Variants in TNS1 observed in about 807,000 individuals in gnomAD.
TNS1 encodes tensin-1.
A neutral mutation model predicts 168.6 loss-of-function variants in TNS1; 62 were observed. That is an observed-to-expected ratio of 0.37 (90% CI 0.30 to 0.45). TNS1 has a LOEUF of 0.45. TNS1 is among the 20% of genes least tolerant of loss of function. The probability of loss-of-function intolerance (pLI) is 1.00; values close to 1 mark genes in which losing one functional copy is unlikely to be tolerated. For missense variants in TNS1, 2,240 were observed against 2,339.4 expected (o/e 0.96, Z 0.88); for synonymous variants, 934 against 933.2 (o/e 1.00, Z -0.02).
At chr2:217,976,114 C>A (rs1957887668) in intron 3 of TNS1, among the ~76,000 whole-genome samples, 1 of 152,186 alleles carries the variant, frequency 6.6e-6, no homozygotes. Flanking sequence ...TTCTGGGCTA[C>A]CTTAGCAGAA....
At chr2:217,890,303 T>A (rs996145071) in intron 12 of TNS1, 20 of 152,376 alleles carry the variant, frequency 1.3e-4, no homozygotes, top group African/African-American at 4.6e-4. Context: ...TCTGACACTG[T>A]CTTGTTTGTA....
At chr2:217,921,658 A>G (rs1955709797) in intron 3 of TNS1, among the ~76,000 whole-genome samples, 1 of 152,212 alleles carries the variant, frequency 6.6e-6, no homozygotes, top group South Asian at 2.1e-4. Flanking sequence ...TCCAGCAAAG[A>G]GGCCCAAATG....
chr2:217,946,969 T>TCTCTCA (rs1553618866), intron 3 of TNS1, among the ~76,000 whole-genome samples: 12 of 118,868 alleles, frequency 1.0e-4, no homozygotes, highest in African/African-American at 2.8e-4. Flanking sequence ...TCTCTCTCTC[T>TCTCTCA]CACACACACA....
chr2:217,927,553 A>T (rs1956095515), intron 3 of TNS1, among the ~76,000 whole-genome samples: 1 of 152,206 alleles, frequency 6.6e-6, no homozygotes, highest in Non-Finnish European at 1.5e-5. Flanking sequence ...TAAGGCAAGC[A>T]AGGATGTATA....
At chr2:218,012,800 G>C (rs1382631705), upstream of TNS1, among the ~76,000 whole-genome samples, 1 of 152,184 alleles carries the variant, frequency 6.6e-6, no homozygotes, top group Non-Finnish European at 1.5e-5. Flanking sequence ...AGCCACTCCA[G>C]AACCTCCTGA....
chr2:217,905,749 T>A (rs1953599792), intron 6 of TNS1, among the ~76,000 whole-genome samples: 1 of 152,176 alleles, frequency 6.6e-6, no homozygotes, highest in African/African-American at 2.4e-5. Context: ...TCAAAGCACG[T>A]CCTGGAAGAG....
At chr2:217,883,849 A>C (rs541117997) in intron 16 of TNS1, among the ~76,000 whole-genome samples, 118 of 152,326 alleles carry the variant, frequency 7.7e-4, no homozygotes, top group African/African-American at 2.5e-3. Context: ...TCCAAGCCCC[A>C]GGTCCAGTCT....
chr2:217,810,021 T>C (rs932871946), intron 29 of TNS1, 30 bp from the exon 30 acceptor site: 18 of 1,606,580 alleles, frequency 1.1e-5, no homozygotes, highest in Non-Finnish European at 1.5e-5. Context: ...GGGGGAGTCA[T>C]GGGAGCTGGC....
intron 30 of TNS1, 179 bp downstream of exon 30, chr2:217,809,644 G>GATGGGTGCACGGATGGGTGC: frequency 1.9e-5 from 11 of 585,546 alleles, no homozygotes; most frequent in East Asian, 9.2e-5. Context: ...TGGGTGCATG[G>GATGGGTGCACGGATGGGTGC]ATGGATGGAT....
rs190087506 is a variant in TNS1, at chr2:217,859,719, A to G, written c.1430-10632T>C. The G allele has an allele frequency of 5.0e-5, 77 of 1,529,390 alleles. 1 individual carries two copies. The East Asian group carries it at 1.8e-3, about 35-fold the overall frequency. 94.7% of individuals were successfully genotyped at this position (1,529,390 alleles called of 1,614,324 possible). Reference sequence around the variant, plus strand: ...GTTCCCATCTGTGGAAATCATGAATAGCAGAGTATCACTTTTCAGAGTTCG... The same window carrying G: ...GTTCCCATCTGTGGAAATCATGAATGGCAGAGTATCACTTTTCAGAGTTCG... On this transcript the variant is annotated intron_variant, in intron 18 of 32. Coordinates refer to ENST00000682258, the MANE Select transcript of TNS1 (RefSeq NM_001387777.1).
At chr2:217,967,655 A>G (rs561347594) in intron 3 of TNS1, among the ~76,000 whole-genome samples, 3 of 152,306 alleles carry the variant, frequency 2.0e-5, no homozygotes, top group African/African-American at 7.2e-5. Flanking sequence ...AAATAAAGAA[A>G]TTGAACTGGC....
At chr2:217,899,141 C>T (rs1270734431) in intron 7 of TNS1, among the ~76,000 whole-genome samples, 1 of 152,186 alleles carries the variant, frequency 6.6e-6, no homozygotes, top group African/African-American at 2.4e-5. Flanking sequence ...GGAATCCAGA[C>T]CTCCACCAGG....
chr2:217,855,590 A>G (rs1379098453), intron 18 of TNS1, among the ~76,000 whole-genome samples: 1 of 151,446 alleles, frequency 6.6e-6, no homozygotes, highest in African/African-American at 2.4e-5. Context: ...CCCTCTCCCT[A>G]GGGCCGGTTC....
Position 217,972,087 on chromosome 2 carries a change from C to T in TNS1, c.186+6678G>A, listed in dbSNP as rs543168327. On this transcript the variant is annotated intron_variant, in intron 3 of 32. Transcript: ENST00000682258. ...TAAGTACATATTAGCAACTTTTTAA[C>T]AACTGAGTTTTGAGCTTAGCATTTT... Among the ~76,000 whole-genome samples, 18 of 152,332 alleles carry T rather than the reference C, an allele frequency of 1.2e-4. No homozygotes were observed. In the East Asian group the frequency reaches 3.3e-3, roughly 28 times the overall value.
At chr2:217,937,900 C>T (rs941223671) in intron 3 of TNS1, among the ~76,000 whole-genome samples, 4 of 152,288 alleles carry the variant, frequency 2.6e-5, no homozygotes, top group Admixed American at 2.0e-4. Flanking sequence ...CCCTCTTCCC[C>T]ACCCCTATCC....
chr2:218,025,250 A>G (rs1194553274), intron 1 of TNS1, among the ~76,000 whole-genome samples: 1 of 152,018 alleles, frequency 6.6e-6, no homozygotes, highest in Non-Finnish European at 1.5e-5. Flanking sequence ...TACTTTATTT[A>G]TTTTATTTTA....
At chr2:217,925,343 C>T (rs1955961097) in intron 3 of TNS1, among the ~76,000 whole-genome samples, 1 of 152,182 alleles carries the variant, frequency 6.6e-6, no homozygotes, top group African/African-American at 2.4e-5. Flanking sequence ...ACCTCCCAAA[C>T]CTGCAAGTGG....
At chr2:217,893,143 G>A in intron 10 of TNS1, 131 bp from the exon 11 acceptor site, 1 of 1,175,616 alleles carries the variant, frequency 8.5e-7, no homozygotes, top group Non-Finnish European at 1.2e-6. Flanking sequence ...AGAACATAAG[G>A]AGGAAGGGGG....
intron 22 of TNS1, among the ~76,000 whole-genome samples, chr2:217,829,523 A>G (rs1445386942): frequency 1.3e-5 from 2 of 152,218 alleles, no homozygotes; most frequent in Non-Finnish European, 2.9e-5. Flanking sequence ...GCTGCTGCAC[A>G]CCAGGCAGGC....
Sources: gnomAD v4.1 joint callset for allele counts (sites outside exome capture counted in the v4.1 genomes callset) on GRCh38, gnomAD v4.1.1 for gene constraint, MANE v1.5 for transcripts, NCBI Gene and HGNC (gene_info 2026-07-23, HGNC 2026-07-21) for gene names.